The following ANKS1B variants were observed in gnomAD, a reference collection of about 807,000 sequenced individuals.
ANKS1B encodes the protein ankyrin repeat and sterile alpha motif domain containing 1B.
Under a neutral mutation model 148.3 loss-of-function variants are expected in ANKS1B, and 36 were observed. The observed-to-expected ratio is 0.24, with a 90% CI of 0.19 to 0.32. The LOEUF (loss-of-function observed/expected upper bound fraction) is 0.32. ANKS1B is among the 10% of genes least tolerant of loss of function. The pLI, the probability that ANKS1B is intolerant of heterozygous loss-of-function variation, is 1.00. For synonymous variants in ANKS1B, 542 were observed against 560.8 expected (o/e 0.97, Z 0.47); for missense variants, 1,157 against 1,542.6 (o/e 0.75, Z 4.19).
intron 17 of ANKS1B, among the ~76,000 whole-genome samples, chr12:99,047,254 G>C (rs576810247): frequency 6.6e-6 from 1 of 152,226 alleles, no homozygotes; most frequent in East Asian, 1.9e-4. Flanking sequence ...ACAAAAATTA[G>C]CCAGATGTGG....
intron 17 of ANKS1B, among the ~76,000 whole-genome samples, chr12:99,015,422 T>C (rs1487283535): frequency 6.6e-6 from 1 of 152,132 alleles, no homozygotes; most frequent in Non-Finnish European, 1.5e-5. Flanking sequence ...GTATTAGGCT[T>C]AATACTTGGG....
chr12:99,684,066 C>T (rs1420064705), intron 8 of ANKS1B, among the ~76,000 whole-genome samples: 2 of 152,020 alleles, frequency 1.3e-5, no homozygotes, highest in Admixed American at 1.3e-4. Flanking sequence ...AGGATGCCCA[C>T]TCTCACCAAT....
At chr12:99,614,995 C>T (rs12299292) in intron 9 of ANKS1B, among the ~76,000 whole-genome samples, 18,679 of 151,048 alleles carry the variant, frequency 0.12, 1,338 homozygotes, top group Middle Eastern at 0.16. Flanking sequence ...CTTGCACCCC[C>T]ACCTTGAAAA....
At chr12:99,634,121 G>A (rs944711991) in intron 9 of ANKS1B, among the ~76,000 whole-genome samples, 1 of 152,190 alleles carries the variant, frequency 6.6e-6, no homozygotes, top group Non-Finnish European at 1.5e-5. Flanking sequence ...CAAAACTCAT[G>A]TTGAAATTTA....
chr12:99,025,765 T>G (rs1184815925), intron 17 of ANKS1B, among the ~76,000 whole-genome samples: 1 of 152,204 alleles, frequency 6.6e-6, no homozygotes, highest in Non-Finnish European at 1.5e-5. Context: ...CCCTTCATCC[T>G]GAAGTTGCAC....
chr12:99,746,416 A>C (rs1039065448), intron 8 of ANKS1B, among the ~76,000 whole-genome samples: 3 of 152,112 alleles, frequency 2.0e-5, no homozygotes, highest in African/African-American at 7.2e-5. Context: ...TTACTTCCTA[A>C]TGTCAACTCT....
At chr12:99,504,220 T>G (rs1253559879) in intron 10 of ANKS1B, among the ~76,000 whole-genome samples, 2 of 152,096 alleles carry the variant, frequency 1.3e-5, no homozygotes, top group Non-Finnish European at 2.9e-5. Context: ...GTTTTTTCAG[T>G]ATTAAAAGGT....
intron 12 of ANKS1B, among the ~76,000 whole-genome samples, chr12:99,349,866 T>C (rs935659799): frequency 6.6e-6 from 1 of 152,066 alleles, no homozygotes; most frequent in African/African-American, 2.4e-5. Context: ...TGGAGCTAGA[T>C]ATGGATGATG....
intron 24 of ANKS1B, among the ~76,000 whole-genome samples, chr12:98,773,630 T>G (rs1309904840): frequency 6.6e-6 from 1 of 152,168 alleles, no homozygotes; most frequent in African/African-American, 2.4e-5. Flanking sequence ...AATTTTTGTA[T>G]TTTTAGTAGA....
chr12:99,220,161 A>G (rs775944527), intron 14 of ANKS1B, among the ~76,000 whole-genome samples: 24 of 151,998 alleles, frequency 1.6e-4, no homozygotes, highest in Admixed American at 3.9e-4. Context: ...CACCACACCC[A>G]GCTAATTTTT....
At chr12:99,614,998 C>T (rs2097940527) in intron 9 of ANKS1B, among the ~76,000 whole-genome samples, 1 of 150,908 alleles carries the variant, frequency 6.6e-6, no homozygotes, top group African/African-American at 2.4e-5. Context: ...GCACCCCCAC[C>T]TTGAAAATTA....
At chr12:99,296,324 T>C (rs562391840) in intron 12 of ANKS1B, among the ~76,000 whole-genome samples, 4 of 152,232 alleles carry the variant, frequency 2.6e-5, no homozygotes, top group Non-Finnish European at 4.4e-5. Flanking sequence ...TCCATATGAA[T>C]GTGAGGATCA....
chr12:99,358,611 G>C (rs544592869), intron 12 of ANKS1B, among the ~76,000 whole-genome samples: 48 of 151,824 alleles, frequency 3.2e-4, no homozygotes, highest in Non-Finnish European at 6.9e-4. Context: ...TTTTTAACTG[G>C]TAAGTTTAAC....
intron 1 of ANKS1B, among the ~76,000 whole-genome samples, chr12:99,896,571 T>C (rs987327087): frequency 4.6e-5 from 7 of 151,216 alleles, no homozygotes; most frequent in African/African-American, 1.7e-4. Flanking sequence ...TCTTTAAATA[T>C]ATAAAGAGCC....
chr12:99,482,016 T>A (rs2096418402), intron 10 of ANKS1B, among the ~76,000 whole-genome samples: 1 of 152,090 alleles, frequency 6.6e-6, no homozygotes, highest in African/African-American at 2.4e-5. Context: ...TATTTTGCTA[T>A]GCTAAAGTGT....
At chr12:98,794,034 G>C (rs1328903511) in intron 22 of ANKS1B, among the ~76,000 whole-genome samples, 2 of 152,150 alleles carry the variant, frequency 1.3e-5, no homozygotes, top group Admixed American at 1.3e-4. Flanking sequence ...CAAACCCACT[G>C]AAAAGTCAAA....
At position 99,001,177 on chromosome 12, in the gene ANKS1B, C is replaced by T. The variant is rs867961077; in HGVS notation, c.2778+51980G>A. Among the ~76,000 whole-genome samples, 21 of 152,096 alleles carry T rather than the reference C, an allele frequency of 1.4e-4. No individual in the cohort carries two copies. The South Asian group carries it at 2.1e-3, about 15-fold the overall frequency. ...TGAGACAGGGTCTCGCTCTGTTGCCCGGGCTGGAGTGGTGGCGCCATCTCG... is the reference window on the plus strand; with the variant it reads ...TGAGACAGGGTCTCGCTCTGTTGCCTGGGCTGGAGTGGTGGCGCCATCTCG... On this transcript the variant is annotated intron_variant, in intron 17 of 26. Transcript: ENST00000683438.
intron 9 of ANKS1B, among the ~76,000 whole-genome samples, chr12:99,639,123 G>C (rs2098275035): frequency 6.6e-6 from 1 of 152,206 alleles, no homozygotes; most frequent in Non-Finnish European, 1.5e-5. Context: ...TGTGGGGTTG[G>C]AGCCCCCAAA....
At chr12:99,220,550 C>T (rs2084948965) in intron 14 of ANKS1B, among the ~76,000 whole-genome samples, 1 of 150,678 alleles carries the variant, frequency 6.6e-6, no homozygotes, top group African/African-American at 2.4e-5. Context: ...AGGTTCACAC[C>T]ATTCTCCTGC....
Sources: allele counts gnomAD v4.1 joint callset (sites outside exome capture counted in the v4.1 genomes callset), GRCh38; gene constraint gnomAD v4.1.1; transcripts MANE v1.5; gene names NCBI Gene and HGNC (gene_info 2026-07-23, HGNC 2026-07-21).